ARHGAP39: variants seen among roughly 807,000 people sequenced by gnomAD.
The protein encoded by ARHGAP39 is Rho GTPase activating protein 39.
A neutral mutation model predicts 106.9 loss-of-function variants in ARHGAP39; 44 were observed. The observed-to-expected ratio is 0.41, with a 90% CI of 0.32 to 0.53. The LOEUF is 0.53. ARHGAP39 is among the 20% of genes least tolerant of loss of function. The pLI is 0.21. For synonymous variants in ARHGAP39, 768 were observed against 693.2 expected, an observed-to-expected ratio of 1.11 and a Z score of -1.69; for missense variants, 1,496 against 1,577.3, an observed-to-expected ratio of 0.95 and a Z score of 0.87.
chr8:144,668,189 C>A (rs1822011508), intron 1 of ARHGAP39, among the ~76,000 whole-genome samples: 1 of 152,186 alleles, frequency 6.6e-6, no homozygotes, highest in Non-Finnish European at 1.5e-5. Context: ...CACCTGTAGT[C>A]CCAGCACTTC....
At chr8:144,616,830 G>C (rs1820649592) in intron 1 of ARHGAP39, among the ~76,000 whole-genome samples, 1 of 152,360 alleles carries the variant, frequency 6.6e-6, no homozygotes, top group African/African-American at 2.4e-5. Context: ...TTTAAAATCT[G>C]GTAAATAAAA....
rs574181763 is a variant in ARHGAP39, at chr8:144,622,770, AG to A, written c.-81-17076del. 2.0e-3 allele frequency among the ~76,000 whole-genome samples: 310 copies of A among 152,392 alleles called. 3 individuals carry two copies. The highest frequency in any genetic ancestry group is 0.018 in the Admixed American group (283 of 15,314). ...CCTTAGAGAACAAAACCTAAGTAAAAGCAGGAACCTGGAAAAAGGAAGGCCC... is the reference window on the plus strand; with the variant it reads ...CCTTAGAGAACAAAACCTAAGTAAAACAGGAACCTGGAAAAAGGAAGGCCC... On this transcript the variant is annotated intron_variant, in intron 1 of 11. Transcript: ENST00000377307.
chr8:144,668,618 A>G (rs1367647352), intron 1 of ARHGAP39, among the ~76,000 whole-genome samples: 2 of 152,230 alleles, frequency 1.3e-5, no homozygotes, highest in African/African-American at 4.8e-5. Context: ...AAATGCACTT[A>G]TATACTGAAA....
chr8:144,571,510 A>T (rs934375603), intron 3 of ARHGAP39, among the ~76,000 whole-genome samples: 31 of 152,226 alleles, frequency 2.0e-4, no homozygotes, highest in African/African-American at 6.8e-4. Flanking sequence ...GCCATAAATA[A>T]TGACAAACCC....
At chr8:144,663,967 G>C (rs1165199192) in intron 1 of ARHGAP39, among the ~76,000 whole-genome samples, 1 of 152,154 alleles carries the variant, frequency 6.6e-6, no homozygotes, top group Non-Finnish European at 1.5e-5. Flanking sequence ...AGGAGTTCAA[G>C]ACCAGCTTGG....
intron 1 of ARHGAP39, among the ~76,000 whole-genome samples, chr8:144,610,253 A>G (rs1820441032): frequency 6.6e-6 from 1 of 152,074 alleles, no homozygotes; most frequent in South Asian, 2.1e-4. Flanking sequence ...GATTTTACTG[A>G]CTGCCTCAAA....
At chr8:144,577,114 C>T (rs899903345) in intron 3 of ARHGAP39, among the ~76,000 whole-genome samples, 2 of 152,160 alleles carry the variant, frequency 1.3e-5, no homozygotes, top group African/African-American at 2.4e-5. Context: ...TGGGAAATGC[C>T]GCTGGAGGGC....
rs1184813771 is a variant in ARHGAP39 at position 144,679,301 on chromosome 8, G to A, written c.-82+6385C>T. ...TCACCTTCCCCATAGGAGGCTGTACGTCACACCCTGCTTTGGTCCGTGGAC... is the reference window on the plus strand; with the variant it reads ...TCACCTTCCCCATAGGAGGCTGTACATCACACCCTGCTTTGGTCCGTGGAC... On this transcript the variant is annotated intron_variant, in intron 1 of 11. Transcript: ENST00000377307. The surrounding 1 kb of genome is among the most constrained non-coding windows in gnomAD (Gnocchi z 4.7). Among the ~76,000 whole-genome samples the A allele has an allele frequency of 2.0e-5, 3 of 152,196 alleles. No homozygotes were observed. The highest frequency in any genetic ancestry group is 1.3e-4 in the Admixed American group (2 of 15,284).
chr8:144,606,705 C>T (rs1458387293), intron 1 of ARHGAP39, among the ~76,000 whole-genome samples: 1 of 152,022 alleles, frequency 6.6e-6, no homozygotes, highest in Non-Finnish European at 1.5e-5. Flanking sequence ...TGGTGGGGGT[C>T]AGTGCCCCTA....
Position 144,683,796 on chromosome 8 carries a change from C to CTTAATGTAAACTTCCAG in ARHGAP39, c.-82+1873_-82+1889dup, listed in dbSNP as rs532541446. On this transcript the variant is annotated intron_variant, in intron 1 of 11. Coordinates refer to ENST00000377307, the MANE Select transcript of ARHGAP39 (RefSeq NM_025251.3). ...AGAAACCAGCGCCACAGACTTCCAG[C>CTTAATGTAAACTTCCAG]TTAATGTAAACTTCCAGTTTACATT... Among the ~76,000 whole-genome samples the CTTAATGTAAACTTCCAG allele has an allele frequency of 4.7e-3, 711 of 152,254 alleles. 1 individual carries two copies. Among genetic ancestry groups the CTTAATGTAAACTTCCAG allele is most frequent in the South Asian group, 0.014 (69 of 4,820 alleles).
chr8:144,563,670 A>G (rs1020258017), intron 3 of ARHGAP39, among the ~76,000 whole-genome samples: 1 of 152,040 alleles, frequency 6.6e-6, no homozygotes, highest in African/African-American at 2.4e-5. Context: ...GCACAGTGGC[A>G]TATGCCTATA....
At chr8:144,601,912 T>C (rs1819986878) in intron 2 of ARHGAP39, among the ~76,000 whole-genome samples, 1 of 138,854 alleles carries the variant, frequency 7.2e-6, no homozygotes, top group Admixed American at 7.3e-5. Flanking sequence ...CATGTGCTCG[T>C]GTACCTGTGT....
At chr8:144,553,774 A>C (rs1817808793) in intron 4 of ARHGAP39, among the ~76,000 whole-genome samples, 1 of 152,228 alleles carries the variant, frequency 6.6e-6, no homozygotes, top group South Asian at 2.1e-4. Flanking sequence ...AGGGCCAGGG[A>C]TCACCCTCAG....
intron 2 of ARHGAP39, among the ~76,000 whole-genome samples, chr8:144,581,907 G>A (rs1819006522): frequency 6.6e-6 from 1 of 152,194 alleles, no homozygotes; most frequent in South Asian, 2.1e-4. Context: ...TTTCTACACG[G>A]AAACAAAAAC....
At position 144,670,423 on chromosome 8, in the gene ARHGAP39, A is replaced by T. The variant is rs1283787092; in HGVS notation, c.-82+15263T>A. ...ACCTCTGCCATCTCCCCTCAGCCTC[A>T]GCCCCACTGTCATTCACCTAAACCA... On this transcript the variant is annotated intron_variant, in intron 1 of 11. Transcript: ENST00000377307. This position sits in a 1 kb window ranked among gnomAD's most constrained non-coding sequence, Gnocchi z 4.4. 6.6e-6 allele frequency among the ~76,000 whole-genome samples: 1 copy of T among 152,138 alleles called. No homozygotes were observed. The highest frequency in any genetic ancestry group is 1.5e-5 in the Non-Finnish European group (1 of 68,010).
intron 3 of ARHGAP39, 39 bp downstream of exon 3, chr8:144,580,807 T>C (rs1818949220): frequency 5.9e-6 from 5 of 854,470 alleles, no homozygotes; most frequent in Non-Finnish European, 5.5e-6. Flanking sequence ...CCCACTCCAT[T>C]CACCTGGCCC....
Position 144,585,436 on chromosome 8 carries a change from G to A in ARHGAP39, c.81-4159C>T, listed in dbSNP as rs1050974734. Among the ~76,000 whole-genome samples the A allele has an allele frequency of 2.0e-5, 3 of 150,924 alleles. No individual in the cohort carries two copies. Among genetic ancestry groups the A allele is most frequent in the African/African-American group, 4.9e-5 (2 of 40,966 alleles). ...GGCCAGCCAGGGGTACCCAGCACCG[G>A]CTCACCGAGAACCTGGAGGGGCCAG... On this transcript the variant is annotated intron_variant, in intron 2 of 11. Transcript: ENST00000377307. This position sits in a 1 kb window ranked among gnomAD's most constrained non-coding sequence, Gnocchi z 4.6.
the ARHGAP39 span, among the ~76,000 whole-genome samples, chr8:144,697,533 T>C: frequency 6.6e-6 from 1 of 152,126 alleles, no homozygotes; most frequent in South Asian, 2.1e-4. Flanking sequence ...TTTTCTTTTT[T>C]TTTGAGAAGG....
intron 1 of ARHGAP39, among the ~76,000 whole-genome samples, chr8:144,614,120 C>T (rs559809974): frequency 6.6e-6 from 1 of 152,334 alleles, no homozygotes; most frequent in East Asian, 1.9e-4. Context: ...CATGTCTCTA[C>T]TTAATGTGTT....
Sources: allele counts gnomAD v4.1 joint callset (sites outside exome capture counted in the v4.1 genomes callset), GRCh38; gene constraint gnomAD v4.1.1; non-coding constraint Gnocchi (gnomAD v3.1); transcripts MANE v1.5; gene names NCBI Gene and HGNC (gene_info 2026-07-23, HGNC 2026-07-21).